The following SLC9B2 variants were observed in gnomAD, a reference collection of about 807,000 sequenced individuals.
SLC9B2 encodes sodium/hydrogen exchanger 9B2.
Under a neutral mutation model 52.2 loss-of-function variants are expected in SLC9B2, and 39 were observed. That is an observed-to-expected ratio of 0.75 (90% CI 0.58 to 0.98). SLC9B2 has a LOEUF of 0.98. Ranked by LOEUF, SLC9B2 falls within the 50% of genes least tolerant of loss-of-function variation. SLC9B2 has a pLI of 0.00. For synonymous variants in SLC9B2, 214 were observed against 227.0 expected, an observed-to-expected ratio of 0.94 and a Z score of 0.51; for missense variants, 626 against 637.5, an observed-to-expected ratio of 0.98 and a Z score of 0.19.
intron 1 of SLC9B2, among the ~76,000 whole-genome samples, chr4:103,074,509 A>G (rs1746941506): frequency 6.6e-6 from 1 of 152,238 alleles, no homozygotes; most frequent in Non-Finnish European, 1.5e-5. Flanking sequence ...CAAAATCATC[A>G]TAGACAATGA....
intron 9 of SLC9B2, among the ~76,000 whole-genome samples, chr4:103,040,359 A>T (rs1743528668): frequency 6.6e-6 from 1 of 152,230 alleles, no homozygotes; most frequent in African/African-American, 2.4e-5. Context: ...TCTAAAGTGT[A>T]GACAAAGGCC....
rs549509611 is a variant in SLC9B2 at position 103,062,700 on chromosome 4, TCC to T, written c.271+3625_271+3626del. On this transcript the variant is annotated intron_variant, in intron 3 of 11. Transcript: ENST00000394785. ...CAATGGCACGATCTCAACCTCCGCC[TCC>T]CAGGTTCAAGTGATTCTCCTGTCTC... is the stretch of plus-strand genomic sequence containing the variant. Among the ~76,000 whole-genome samples the T allele has an allele frequency of 6.6e-5, 10 of 152,322 alleles. No homozygotes were observed. In the South Asian group the frequency reaches 2.1e-3, roughly 32 times the overall value.
At chr4:103,031,596 T>C (rs1310157681) in intron 10 of SLC9B2, 104 bp downstream of exon 10, 4 of 789,652 alleles carry the variant, frequency 5.1e-6, no homozygotes, top group East Asian at 2.7e-5. Flanking sequence ...ACTGTACACA[T>C]ACCTGCTGGA....
intron 7 of SLC9B2, 74 bp downstream of exon 7, chr4:103,046,977 T>A: frequency 6.7e-7 from 1 of 1,503,684 alleles, no homozygotes; most frequent in South Asian, 1.3e-5. Context: ...CAAGCAAATA[T>A]GTCATGCTTA....
intron 1 of SLC9B2, among the ~76,000 whole-genome samples, chr4:103,074,659 AT>A (rs779976179): frequency 1.6e-4 from 24 of 152,330 alleles, no homozygotes; most frequent in Middle Eastern, 3.4e-3. Context: ...AAGATTATGT[AT>A]TTCCCCTCCT....
At chr4:103,021,557 A>C (rs10516497), downstream of SLC9B2, among the ~76,000 whole-genome samples, 30,067 of 152,124 alleles carry the variant, frequency 0.2, 2,982 homozygotes, top group East Asian at 0.21. Flanking sequence ...TAAATTGATT[A>C]TATTTGCAAC....
chr4:103,057,764 T>C, intron 4 of SLC9B2, 37 bp downstream of exon 4: 2 of 1,563,152 alleles, frequency 1.3e-6, no homozygotes, highest in Non-Finnish European at 8.6e-7. Context: ...AAAAATATAG[T>C]TTACTCTGGA....
At chr4:103,047,995 CA>C (rs999590725) in intron 6 of SLC9B2, among the ~76,000 whole-genome samples, 2 of 151,944 alleles carry the variant, frequency 1.3e-5, no homozygotes, top group Admixed American at 1.3e-4. Context: ...CTTTTTTAAA[CA>C]AAAAAATTCA....
chr4:103,033,404 C>T (rs1451758423), intron 9 of SLC9B2, among the ~76,000 whole-genome samples: 3 of 152,012 alleles, frequency 2.0e-5, no homozygotes, highest in East Asian at 1.9e-4. Context: ...CCTATTTAAC[C>T]GGAGTACTGG....
chr4:103,057,388 C>T (rs1745245177), intron 4 of SLC9B2, among the ~76,000 whole-genome samples: 2 of 152,008 alleles, frequency 1.3e-5, no homozygotes, highest in Admixed American at 1.3e-4. Flanking sequence ...ATGACAGCCT[C>T]GACCTCCTGG....
chr4:103,027,278 A>T (rs1371330938), intron 11 of SLC9B2, among the ~76,000 whole-genome samples: 1 of 152,210 alleles, frequency 6.6e-6, no homozygotes, highest in African/African-American at 2.4e-5. Context: ...GGAATGTGGA[A>T]CTAAAAAATA....
At chr4:103,073,456 A>G (rs1746845249) in intron 1 of SLC9B2, among the ~76,000 whole-genome samples, 1 of 152,214 alleles carries the variant, frequency 6.6e-6, no homozygotes, top group South Asian at 2.1e-4. Flanking sequence ...AGCCCTACCC[A>G]GCAATGAGGA....
intron 1 of SLC9B2, among the ~76,000 whole-genome samples, chr4:103,075,474 C>G (rs1049426134): frequency 1.3e-5 from 2 of 152,186 alleles, no homozygotes; most frequent in African/African-American, 4.8e-5. Context: ...AAGATGCAGT[C>G]TGCCCTTTAA....
At chr4:103,041,659 A>G (rs773477370) in intron 9 of SLC9B2, among the ~76,000 whole-genome samples, 15 of 152,162 alleles carry the variant, frequency 9.9e-5, no homozygotes, top group Non-Finnish European at 1.9e-4. Flanking sequence ...TTAGAAGCTG[A>G]ATTTTAAACT....
intron 10 of SLC9B2, among the ~76,000 whole-genome samples, chr4:103,030,623 C>T (rs529239108): frequency 4.0e-5 from 6 of 151,790 alleles, no homozygotes; most frequent in South Asian, 2.1e-4. Flanking sequence ...ATGGTAGAGA[C>T]GGGGGGAAGT....
chr4:103,059,155 G>A (rs1157876423), intron 3 of SLC9B2, among the ~76,000 whole-genome samples: 2 of 152,100 alleles, frequency 1.3e-5, no homozygotes, highest in East Asian at 1.9e-4. Context: ...AAGAGAGTTG[G>A]GGCAGACCAC....
At chr4:103,019,688 G>A, downstream of SLC9B2, 1 of 985,546 alleles carries the variant, frequency 1.0e-6, no homozygotes, top group Non-Finnish European at 1.2e-6. Flanking sequence ...CAGGTGGGCA[G>A]GGTGGTGACG....
intron 9 of SLC9B2, among the ~76,000 whole-genome samples, chr4:103,037,551 TGAAA>T (rs1743279895): frequency 6.6e-6 from 1 of 152,366 alleles, no homozygotes; most frequent in East Asian, 1.9e-4. Flanking sequence ...TTACAAGTGT[TGAAA>T]GAGAGCATAT....
chr4:103,042,828 A>G (rs1743753396), intron 9 of SLC9B2, among the ~76,000 whole-genome samples: 3 of 151,524 alleles, frequency 2.0e-5, no homozygotes, highest in Admixed American at 2.0e-4. Context: ...TTTAAGACAC[A>G]TATTTTTATA....
Sources: allele counts gnomAD v4.1 joint callset (sites outside exome capture counted in the v4.1 genomes callset), GRCh38; gene constraint gnomAD v4.1.1; transcripts MANE v1.5; gene names NCBI Gene and HGNC (gene_info 2026-07-23, HGNC 2026-07-21).